Variants in DPP10 observed in about 807,000 individuals in gnomAD.
DPP10 encodes the protein inactive dipeptidyl peptidase 10.
In DPP10, 33 loss-of-function variants were observed where a neutral mutation model predicts 120.9. That is an observed-to-expected ratio of 0.27 (90% CI 0.21 to 0.37). The LOEUF is 0.37. Among genes scored for constraint, DPP10 ranks in the 10% least tolerant of loss-of-function variants. DPP10 has a pLI of 1.00. For missense variants in DPP10, 816 were observed against 942.8 expected (o/e 0.87, Z 1.76); for synonymous variants, 337 against 326.1 (o/e 1.03, Z -0.36).
At chr2:115,380,536 C>T (rs1490976351) in intron 3 of DPP10, among the ~76,000 whole-genome samples, 1 of 151,970 alleles carries the variant, frequency 6.6e-6, no homozygotes, top group Non-Finnish European at 1.5e-5. Flanking sequence ...TTAATTGGAG[C>T]ATTTAGTCCA....
chr2:115,253,693 C>A (rs1025652770), intron 1 of DPP10, among the ~76,000 whole-genome samples: 1 of 152,228 alleles, frequency 6.6e-6, no homozygotes, highest in Non-Finnish European at 1.5e-5. Context: ...TGTCCCACAT[C>A]CAAGGCACAC....
At chr2:115,030,712 C>A (rs113984645) in intron 1 of DPP10, among the ~76,000 whole-genome samples, 3 of 152,006 alleles carry the variant, frequency 2.0e-5, no homozygotes, top group Admixed American at 2.0e-4. Flanking sequence ...CATTCAGTTC[C>A]CACTTATAAG....
At chr2:114,653,025 AGAGTGTGT>A in intron 1 of DPP10, among the ~76,000 whole-genome samples, 1 of 118,926 alleles carries the variant, frequency 8.4e-6, no homozygotes, top group East Asian at 2.4e-4. Flanking sequence ...AGAGAGAGAG[AGAGTGTGT>A]GTGTGTGTGT....
chr2:114,972,025 T>C (rs1398368515), intron 1 of DPP10, among the ~76,000 whole-genome samples: 1 of 152,226 alleles, frequency 6.6e-6, no homozygotes, highest in Non-Finnish European at 1.5e-5. Context: ...CTATTATGAA[T>C]AAGTTGTTTC....
intron 5 of DPP10, among the ~76,000 whole-genome samples, chr2:115,655,372 T>C (rs2088206089): frequency 6.6e-6 from 1 of 151,736 alleles, no homozygotes; most frequent in South Asian, 2.1e-4. Flanking sequence ...GAATACCTAG[T>C]GCACATGTGT....
intron 1 of DPP10, among the ~76,000 whole-genome samples, chr2:114,521,101 G>C (rs1260619181): frequency 6.6e-6 from 1 of 151,766 alleles, no homozygotes; most frequent in African/African-American, 2.4e-5. Flanking sequence ...TCTGACATCA[G>C]AAAAAAATGA....
At chr2:115,443,626 A>G (rs1015199829) in intron 3 of DPP10, among the ~76,000 whole-genome samples, 5 of 152,304 alleles carry the variant, frequency 3.3e-5, no homozygotes, top group African/African-American at 1.2e-4. Flanking sequence ...CAAGATTATG[A>G]TTCACAAAAT....
intron 1 of DPP10, among the ~76,000 whole-genome samples, chr2:114,897,919 CCA>C (rs1693175492): frequency 6.6e-6 from 1 of 151,900 alleles, no homozygotes; most frequent in Non-Finnish European, 1.5e-5. Flanking sequence ...ACTAGTTCAA[CCA>C]TTGTGGAAGT....
chr2:115,246,385 T>C (rs1258098954), intron 1 of DPP10, among the ~76,000 whole-genome samples: 1 of 152,162 alleles, frequency 6.6e-6, no homozygotes, highest in Non-Finnish European at 1.5e-5. Context: ...AACTTTATTC[T>C]GCCTGGGGAA....
At chr2:114,463,083 T>G (rs1679059805) in intron 1 of DPP10, among the ~76,000 whole-genome samples, 1 of 152,124 alleles carries the variant, frequency 6.6e-6, no homozygotes, top group Non-Finnish European at 1.5e-5. Flanking sequence ...GAAACCAAGA[T>G]CTTGGTGCTG....
intron 3 of DPP10, among the ~76,000 whole-genome samples, chr2:115,387,003 A>G (rs989786858): frequency 1.7e-4 from 26 of 152,072 alleles, no homozygotes; most frequent in Admixed American, 1.3e-3. Flanking sequence ...ATATATCTTA[A>G]GATATGTCAG....
At chr2:114,505,881 C>A (rs1683611849) in intron 1 of DPP10, among the ~76,000 whole-genome samples, 1 of 152,198 alleles carries the variant, frequency 6.6e-6, no homozygotes, top group Non-Finnish European at 1.5e-5. Context: ...CGAGTTCATG[C>A]ATGTTAGTTT....
chr2:115,293,039 ATGT>A (rs1341959529), intron 1 of DPP10, among the ~76,000 whole-genome samples: 1 of 152,038 alleles, frequency 6.6e-6, no homozygotes, highest in Non-Finnish European at 1.5e-5. Context: ...AGAAACTTTG[ATGT>A]TTATAAGCAC....
intron 5 of DPP10, among the ~76,000 whole-genome samples, chr2:115,562,510 A>T (rs2080753936): frequency 6.6e-6 from 1 of 152,176 alleles, no homozygotes; most frequent in Admixed American, 6.5e-5. Flanking sequence ...CCATGGTTAA[A>T]ACAACCTCAC....
chr2:115,209,440 A>G (rs369596950), intron 1 of DPP10, among the ~76,000 whole-genome samples: 1 of 152,182 alleles, frequency 6.6e-6, no homozygotes, highest in Non-Finnish European at 1.5e-5. Context: ...ATACACATAC[A>G]TGCTATGAAA....
At chr2:115,835,437 C>T (rs1429875300) in intron 21 of DPP10, among the ~76,000 whole-genome samples, 4 of 151,900 alleles carry the variant, frequency 2.6e-5, no homozygotes, top group Admixed American at 6.6e-5. Context: ...CTTCCTGGTG[C>T]GGAAAGAGAG....
intron 1 of DPP10, among the ~76,000 whole-genome samples, chr2:114,512,392 A>G (rs1195204053): frequency 1.3e-5 from 2 of 152,122 alleles, no homozygotes; most frequent in East Asian, 1.9e-4. Context: ...GATTTCATGG[A>G]CGTTCATTTG....
chr2:115,304,604 A>G (rs977826469), intron 1 of DPP10, among the ~76,000 whole-genome samples: 4 of 152,060 alleles, frequency 2.6e-5, no homozygotes, highest in Admixed American at 2.0e-4. Flanking sequence ...TTCAATATAG[A>G]TGGATTATAT....
intron 1 of DPP10, among the ~76,000 whole-genome samples, chr2:115,296,859 T>C (rs181302070): frequency 5.8e-4 from 88 of 152,122 alleles, no homozygotes; most frequent in Admixed American, 9.2e-4. Flanking sequence ...CCATTAGTAA[T>C]AGGCTGACTC....
Sources: allele counts gnomAD v4.1 joint callset (sites outside exome capture counted in the v4.1 genomes callset), GRCh38; gene constraint gnomAD v4.1.1; transcripts MANE v1.5; gene names NCBI Gene and HGNC (gene_info 2026-07-23, HGNC 2026-07-21).